The following SKAP2 variants were observed in gnomAD, a reference collection of about 807,000 sequenced individuals.
The protein encoded by SKAP2 is src kinase associated phosphoprotein 2.
A neutral mutation model predicts 54.9 loss-of-function variants in SKAP2; 28 were observed. The ratio of observed to expected loss-of-function variants is 0.51; its 90% CI spans 0.38 to 0.70. The LOEUF (loss-of-function observed/expected upper bound fraction) is 0.70, where lower values mean the gene tolerates loss of function less well. Ranked by LOEUF, SKAP2 falls within the 30% of genes least tolerant of loss-of-function variation. SKAP2 has a pLI of 0.00. For synonymous variants in SKAP2, 137 were observed against 134.3 expected (o/e 1.02, Z -0.14); for missense variants, 356 against 424.1 (o/e 0.84, Z 1.41).
chr7:26,742,241 C>T (rs1174751442), intron 4 of SKAP2: 2 of 152,132 alleles, frequency 1.3e-5, no homozygotes, highest in Non-Finnish European at 2.9e-5. Context: ...AGTCCCACAA[C>T]CCTCTCACTT....
At chr7:26,673,018 A>G (rs1192152215) in intron 11 of SKAP2, among the ~76,000 whole-genome samples, 1 of 152,070 alleles carries the variant, frequency 6.6e-6, no homozygotes, top group Non-Finnish European at 1.5e-5. Flanking sequence ...TGCAACTGAT[A>G]CAATGTTGTT....
At chr7:26,662,352 A>G (rs1399278377), downstream of SKAP2, among the ~76,000 whole-genome samples, 1 of 152,272 alleles carries the variant, frequency 6.6e-6, no homozygotes, top group Non-Finnish European at 1.5e-5. Flanking sequence ...TACATAAGGA[A>G]AGATTCCCAG....
At chr7:26,771,006 A>T (rs1344902354) in intron 4 of SKAP2, among the ~76,000 whole-genome samples, 1 of 152,232 alleles carries the variant, frequency 6.6e-6, no homozygotes, top group Non-Finnish European at 1.5e-5. Context: ...GTCTTACTTA[A>T]TAATATTTCA....
At chr7:26,856,284 TCTC>T (rs1311415381) in intron 1 of SKAP2, among the ~76,000 whole-genome samples, 1 of 152,142 alleles carries the variant, frequency 6.6e-6, no homozygotes, top group African/African-American at 2.4e-5. Context: ...TGTCACAGCT[TCTC>T]TTTCCTTGAG....
At chr7:26,775,354 T>C (rs1427588940) in intron 4 of SKAP2, among the ~76,000 whole-genome samples, 6 of 152,200 alleles carry the variant, frequency 3.9e-5, no homozygotes, top group South Asian at 2.1e-4. Flanking sequence ...GAAATTTTTA[T>C]TGAGATACTT....
intron 4 of SKAP2, among the ~76,000 whole-genome samples, chr7:26,786,684 C>A (rs1229510693): frequency 6.6e-6 from 1 of 152,134 alleles, no homozygotes; most frequent in African/African-American, 2.4e-5. Flanking sequence ...TAAACACGTG[C>A]CCTAGCAAGA....
rs545828294 is a variant in SKAP2, at chr7:26,765,063, C to G, written c.308-25099G>C. Among the ~76,000 whole-genome samples the G allele has an allele frequency of 2.0e-5, 3 of 152,282 alleles. No homozygotes were observed. The East Asian group carries it at 5.8e-4, about 29-fold the overall frequency. ...CCTTGAGAAATCACCACACTGTCTT[C>G]CACAATGGTTGAACTAATTTACACT... On this transcript the variant is annotated intron_variant, in intron 4 of 12. Transcript: ENST00000345317.
At chr7:26,749,137 C>T (rs890970262) in intron 4 of SKAP2, among the ~76,000 whole-genome samples, 1 of 152,100 alleles carries the variant, frequency 6.6e-6, no homozygotes, top group Non-Finnish European at 1.5e-5. Flanking sequence ...ATATAAACCA[C>T]TAGAATAAAA....
At chr7:26,782,086 C>A (rs895835610) in intron 4 of SKAP2, among the ~76,000 whole-genome samples, 1 of 152,180 alleles carries the variant, frequency 6.6e-6, no homozygotes, top group African/African-American at 2.4e-5. Context: ...TTCACAGGGG[C>A]AGGATTGATG....
At chr7:26,785,885 G>A (rs1177015939) in intron 4 of SKAP2, among the ~76,000 whole-genome samples, 1 of 152,184 alleles carries the variant, frequency 6.6e-6, no homozygotes. Flanking sequence ...CCATAAGACA[G>A]AGCCATTGAA....
At chr7:26,839,402 AG>A (rs1784775880) in intron 4 of SKAP2, among the ~76,000 whole-genome samples, 1 of 152,174 alleles carries the variant, frequency 6.6e-6, no homozygotes, top group Non-Finnish European at 1.5e-5. Context: ...AACATATATA[AG>A]CTAGCAATTT....
chr7:26,813,989 T>C (rs566962875), intron 4 of SKAP2, among the ~76,000 whole-genome samples: 4 of 152,306 alleles, frequency 2.6e-5, no homozygotes, highest in Non-Finnish European at 5.9e-5. Context: ...CAAATTCTCA[T>C]GAGCTGGCAT....
intron 4 of SKAP2, among the ~76,000 whole-genome samples, chr7:26,790,757 T>C (rs1176994750): frequency 1.3e-5 from 2 of 152,202 alleles, no homozygotes; most frequent in African/African-American, 2.4e-5. Context: ...TAAATTTATA[T>C]GTAAAATAAT....
chr7:26,754,928 T>C (rs1265261319), intron 4 of SKAP2, among the ~76,000 whole-genome samples: 1 of 152,168 alleles, frequency 6.6e-6, no homozygotes, highest in Admixed American at 6.6e-5. Flanking sequence ...ATCCAAAAGA[T>C]ACACATCCCG....
At chr7:26,771,266 C>T (rs868674794) in intron 4 of SKAP2, among the ~76,000 whole-genome samples, 1 of 152,172 alleles carries the variant, frequency 6.6e-6, no homozygotes, top group African/African-American at 2.4e-5. Context: ...GTACACTCGC[C>T]TATTGTAATC....
At chr7:26,815,488 G>A (rs1195070862) in intron 4 of SKAP2, among the ~76,000 whole-genome samples, 4 of 152,084 alleles carry the variant, frequency 2.6e-5, no homozygotes, top group East Asian at 1.9e-4. Flanking sequence ...TAAAAGGGTC[G>A]AATAGCAAAA....
chr7:26,755,859 A>T (rs1313795158), intron 4 of SKAP2, among the ~76,000 whole-genome samples: 1 of 152,228 alleles, frequency 6.6e-6, no homozygotes, highest in Non-Finnish European at 1.5e-5. Flanking sequence ...CGTTTTGGGG[A>T]GTATAGCTTA....
At chr7:26,705,048 T>C (rs550248262) in intron 9 of SKAP2, among the ~76,000 whole-genome samples, 319 of 152,326 alleles carry the variant, frequency 2.1e-3, no homozygotes, top group African/African-American at 7.3e-3. Context: ...GAGTAGCAGA[T>C]GAAGTAAATT....
At chr7:26,834,605 T>C (rs1784666904) in intron 4 of SKAP2, among the ~76,000 whole-genome samples, 1 of 152,050 alleles carries the variant, frequency 6.6e-6, no homozygotes, top group South Asian at 2.1e-4. Flanking sequence ...AAGAAATGGA[T>C]GAATTCCTGG....
Sources: allele counts gnomAD v4.1 joint callset (sites outside exome capture counted in the v4.1 genomes callset), GRCh38; gene constraint gnomAD v4.1.1; transcripts MANE v1.5; gene names NCBI Gene and HGNC (gene_info 2026-07-23, HGNC 2026-07-21).